BRINP2: variants seen among roughly 807,000 people sequenced by gnomAD.
The protein encoded by BRINP2 is BMP/retinoic acid-inducible neural-specific protein 2.
Under a neutral mutation model 69.2 loss-of-function variants are expected in BRINP2, and 21 were observed. The ratio of observed to expected loss-of-function variants is 0.30; its 90% CI spans 0.22 to 0.44. BRINP2 has a LOEUF of 0.44. BRINP2 is among the 20% of genes least tolerant of loss of function. The probability of loss-of-function intolerance (pLI) is 1.00; values close to 1 mark genes in which losing one functional copy is unlikely to be tolerated. For missense variants in BRINP2, 877 were observed against 986.0 expected (o/e 0.89, Z 1.48); for synonymous variants, 380 against 394.1 (o/e 0.96, Z 0.42).
At chr1:177,211,141 T>A (rs773554927) in intron 1 of BRINP2, among the ~76,000 whole-genome samples, 6 of 152,030 alleles carry the variant, frequency 3.9e-5, no homozygotes, top group African/African-American at 7.2e-5. Flanking sequence ...TCTAAGGTAT[T>A]CCTCATGTGT....
intron 1 of BRINP2, among the ~76,000 whole-genome samples, chr1:177,199,742 C>T (rs1648847454): frequency 2.0e-5 from 3 of 152,072 alleles, no homozygotes; most frequent in Admixed American, 6.5e-5. Context: ...AAAAGCAGGA[C>T]AGGAAAAAAG....
intron 1 of BRINP2, among the ~76,000 whole-genome samples, chr1:177,197,070 T>C (rs1333620597): frequency 6.6e-6 from 1 of 152,036 alleles, no homozygotes; most frequent in Non-Finnish European, 1.5e-5. Context: ...CATTCTCACA[T>C]TGACATAAAG....
intron 1 of BRINP2, among the ~76,000 whole-genome samples, chr1:177,216,703 G>T (rs1649388236): frequency 6.6e-6 from 1 of 150,456 alleles, no homozygotes; most frequent in African/African-American, 2.4e-5. Context: ...TTTAACTTTT[G>T]TTTGTCTGGG....
chr1:177,193,776 G>A (rs75595453), intron 1 of BRINP2, among the ~76,000 whole-genome samples: 4,814 of 152,172 alleles, frequency 0.032, 204 homozygotes, highest in African/African-American at 0.093. Flanking sequence ...TTATAGACTC[G>A]TATGGTTCTG....
At chr1:177,175,626 A>G (rs546703352) in intron 1 of BRINP2, among the ~76,000 whole-genome samples, 1 of 152,296 alleles carries the variant, frequency 6.6e-6, no homozygotes, top group East Asian at 1.9e-4. Flanking sequence ...CCCATTGAAC[A>G]TGAAAGTGGA....
At chr1:177,260,209 T>G (rs191744111) in intron 4 of BRINP2, among the ~76,000 whole-genome samples, 3 of 152,264 alleles carry the variant, frequency 2.0e-5, no homozygotes, top group African/African-American at 7.2e-5. Context: ...AGTAATTGTA[T>G]ATGTAGTGGA....
At chr1:177,212,906 G>A (rs12746872) in intron 1 of BRINP2, among the ~76,000 whole-genome samples, 29,184 of 152,180 alleles carry the variant, frequency 0.19, 3,144 homozygotes, top group Middle Eastern at 0.24. Context: ...CTAGGTGAGC[G>A]CCACTGGGCA....
At chr1:177,225,150 A>AAGCT (rs1312949538) in intron 1 of BRINP2, among the ~76,000 whole-genome samples, 1 of 152,166 alleles carries the variant, frequency 6.6e-6, no homozygotes, top group Non-Finnish European at 1.5e-5. Context: ...CGATTCCTAT[A>AAGCT]AGCTCTACCA....
intron 1 of BRINP2, among the ~76,000 whole-genome samples, chr1:177,207,314 C>A (rs529210980): frequency 9.2e-5 from 14 of 152,186 alleles, no homozygotes; most frequent in African/African-American, 3.1e-4. Flanking sequence ...AGATAGAAGG[C>A]AAACTTTGAG....
chr1:177,236,590 T>A (rs1370163586), intron 2 of BRINP2, among the ~76,000 whole-genome samples: 1 of 152,174 alleles, frequency 6.6e-6, no homozygotes, highest in Admixed American at 6.5e-5. Flanking sequence ...TGATGGCACT[T>A]ACAGATAAGT....
intron 1 of BRINP2, among the ~76,000 whole-genome samples, chr1:177,218,998 G>T (rs1470493669): frequency 1.3e-5 from 2 of 152,078 alleles, no homozygotes; most frequent in Non-Finnish European, 2.9e-5. Flanking sequence ...TAATATATAA[G>T]CTTTGGTTGT....
intron 4 of BRINP2, among the ~76,000 whole-genome samples, chr1:177,267,072 T>C (rs1651152554): frequency 6.6e-6 from 1 of 152,166 alleles, no homozygotes; most frequent in African/African-American, 2.4e-5. Flanking sequence ...GACATGGCAT[T>C]TTCCACATAG....
intron 1 of BRINP2, among the ~76,000 whole-genome samples, chr1:177,212,845 G>A (rs1649267633): frequency 6.6e-6 from 1 of 152,186 alleles, no homozygotes; most frequent in Admixed American, 6.5e-5. Context: ...TCTCCAAGGA[G>A]CACTAATTCC....
chr1:177,189,078 A>T (rs1648514183), intron 1 of BRINP2, among the ~76,000 whole-genome samples: 1 of 152,222 alleles, frequency 6.6e-6, no homozygotes, highest in Non-Finnish European at 1.5e-5. Flanking sequence ...AGACACACGT[A>T]ATGTCTTTAA....
At chr1:177,208,928 T>C (rs1649144792) in intron 1 of BRINP2, among the ~76,000 whole-genome samples, 1 of 152,212 alleles carries the variant, frequency 6.6e-6, no homozygotes, top group Admixed American at 6.5e-5. Flanking sequence ...GTACTTTTCT[T>C]CTTTTGTTTG....
intron 1 of BRINP2, among the ~76,000 whole-genome samples, chr1:177,181,921 G>A (rs1017315926): frequency 1.3e-5 from 2 of 152,228 alleles, no homozygotes; most frequent in Non-Finnish European, 2.9e-5. Flanking sequence ...TCTTGCCCCG[G>A]AGGTTGCCGA....
intron 1 of BRINP2, among the ~76,000 whole-genome samples, chr1:177,226,389 A>G (rs910270455): frequency 6.6e-6 from 1 of 152,182 alleles, no homozygotes; most frequent in Non-Finnish European, 1.5e-5. Context: ...GTTAGGGAAG[A>G]TTATCAGTCC....
At chr1:177,214,987 C>A (rs1649334266) in intron 1 of BRINP2, among the ~76,000 whole-genome samples, 1 of 152,094 alleles carries the variant, frequency 6.6e-6, no homozygotes, top group Admixed American at 6.5e-5. Context: ...GCACACTGTG[C>A]AATAGATCAA....
chr1:177,219,871 T>C (rs2102317342), intron 1 of BRINP2, among the ~76,000 whole-genome samples: 1 of 152,308 alleles, frequency 6.6e-6, no homozygotes, highest in South Asian at 2.1e-4. Context: ...CCTATGTATA[T>C]ACAGAGACTC....
Sources: allele counts gnomAD v4.1 joint callset (sites outside exome capture counted in the v4.1 genomes callset), GRCh38; gene constraint gnomAD v4.1.1; transcripts MANE v1.5; gene names NCBI Gene and HGNC (gene_info 2026-07-23, HGNC 2026-07-21).